Variants in SLC2A1 observed in about 807,000 individuals in gnomAD.
SLC2A1 encodes solute carrier family 2 member 1, also known as solute carrier family 2, facilitated glucose transporter member 1.
A neutral mutation model predicts 46.6 loss-of-function variants in SLC2A1; 4 were observed. The observed-to-expected ratio is 0.09, with a 90% confidence interval of 0.04 to 0.20. The LOEUF is 0.20. Among genes scored for constraint, SLC2A1 ranks in the 10% least tolerant of loss-of-function variants. The pLI is 1.00. For synonymous variants in SLC2A1, 253 were observed against 270.0 expected, an observed-to-expected ratio of 0.94 and a Z score of 0.62; for missense variants, 352 against 667.0, an observed-to-expected ratio of 0.53 and a Z score of 5.20.
At chr1:42,937,062 A>G (rs1643548959) in intron 2 of SLC2A1, among the ~76,000 whole-genome samples, 2 of 152,190 alleles carry the variant, frequency 1.3e-5, no homozygotes, top group African/African-American at 4.8e-5. Context: ...CAACACCAGC[A>G]GAAACATCAC....
chr1:42,954,916 A>G lies in SLC2A1; in HGVS notation c.18+3718T>C, dbSNP rs1440609275. ...GAAGCCTAAGGCAAAAAAGCAAAGC[A>G]AAGAAGCCCAAAGCAGCGCAGGGCA... On this transcript the variant is annotated intron_variant, in intron 1 of 9. Coordinates refer to ENST00000426263, the MANE Select transcript of SLC2A1 (RefSeq NM_006516.4). This position sits in a 1 kb window ranked among gnomAD's most constrained non-coding sequence, Gnocchi z 4.2. Among the ~76,000 whole-genome samples, 1 of 152,266 alleles carries G rather than the reference A, an allele frequency of 6.6e-6. No individual in the cohort carries two copies. Among genetic ancestry groups the G allele is most frequent in the Non-Finnish European group, 1.5e-5 (1 of 68,044 alleles).
In SLC2A1 at chr1:42,958,552, G is replaced by C. The variant is rs1643806639; in HGVS notation, c.18+82C>G. The C allele has an allele frequency of 1.1e-5, 14 of 1,225,244 alleles. No individual in the cohort carries two copies. In the South Asian group the frequency reaches 1.9e-4, roughly 16 times the overall value. 75.9% of individuals were successfully genotyped at this position (1,225,244 alleles called of 1,614,324 possible). On this transcript the variant is annotated intron_variant, in intron 1 of 9. Coordinates refer to ENST00000426263, the MANE Select transcript of SLC2A1 (RefSeq NM_006516.4). ...CGGGCGCACAGCGCAGCGGGGCGGCGGGGGAGGCCCTGGCCGGCGTAAGGC... is the reference window on the plus strand; with the variant it reads ...CGGGCGCACAGCGCAGCGGGGCGGCCGGGGAGGCCCTGGCCGGCGTAAGGC...
At chr1:42,933,902 T>C (rs1036083156) in intron 2 of SLC2A1, among the ~76,000 whole-genome samples, 1 of 152,224 alleles carries the variant, frequency 6.6e-6, no homozygotes, top group Non-Finnish European at 1.5e-5. Flanking sequence ...TGTTTGTCCC[T>C]GTGCAGACTG....
chr1:42,945,168 T>C (rs1204639562), intron 1 of SLC2A1, among the ~76,000 whole-genome samples: 2 of 152,180 alleles, frequency 1.3e-5, no homozygotes, highest in Non-Finnish European at 2.9e-5. Context: ...CATTTGCTCA[T>C]GGGATGCAAA....
In SLC2A1 at chr1:42,926,509, G is replaced by A. The variant is rs1368079919; in HGVS notation, c.*532C>T. On this transcript the variant is annotated 3_prime_UTR_variant, in exon 10 of 10. Transcript: ENST00000426263. ...AAAGATTAATTTGAGTGGTTGGGTA[G>A]GAAGAGATGGGAAGGGGCAAATCCT... is the stretch of plus-strand genomic sequence containing the variant. 3 of 296,630 alleles carry A rather than the reference G, an allele frequency of 1.0e-5. No individual in the cohort carries two copies. The East Asian group carries it at 2.4e-4, about 24-fold the overall frequency. 18.4% of individuals were successfully genotyped at this position (296,630 alleles called of 1,614,324 possible).
chr1:42,952,681 C>G (rs562567513), intron 1 of SLC2A1: 1 of 212,966 alleles, frequency 4.7e-6, no homozygotes, highest in Non-Finnish European at 9.8e-6. Context: ...AGTTATCACA[C>G]GCAGCAGGGA....
rs370031715 is a variant in SLC2A1 at position 42,931,055 on chromosome 1, C to T, written c.266G>A (p.Arg89His). The T allele has an allele frequency of 9.3e-6, 15 of 1,614,002 alleles. No individual in the cohort carries two copies. Among genetic ancestry groups the T allele is most frequent in the South Asian group, 2.2e-5 (2 of 91,078 alleles). The change falls in exon 3 of 10, where the codon CGC becomes CAC. Residue 89 changes from arginine (R) to histidine (H), a missense_variant. Arg to His is a conservative substitution (Grantham distance 29). This residue lies in a region of SLC2A1 where 97 missense variants were observed against 175.6 expected (regional missense o/e 0.55). Transcript: ENST00000426263. ...GSFSVGLFVN[R>H]FGRRNSMLMM... ...GACCTCTCCTACTTACCGGCCAAAG[C>T]GGTTAACGAAAAGGCCCACAGAGAA... is the stretch of plus-strand genomic sequence containing the variant.
chr1:42,950,649 C>T (rs978653199), intron 1 of SLC2A1, among the ~76,000 whole-genome samples: 4 of 152,148 alleles, frequency 2.6e-5, no homozygotes, highest in Non-Finnish European at 4.4e-5. Context: ...ACATTTAAGT[C>T]CCAGCTCCTC....
At chr1:42,941,319 C>T (rs754338478) in intron 2 of SLC2A1, among the ~76,000 whole-genome samples, 8 of 152,156 alleles carry the variant, frequency 5.3e-5, no homozygotes, top group Middle Eastern at 3.2e-3. Flanking sequence ...CTCACAAGGC[C>T]CTTTGTGGTC....
At position 42,936,380 on chromosome 1, in the gene SLC2A1, C is replaced by T. The variant is rs537983511; in HGVS notation, c.115-5174G>A. 1.8e-3 allele frequency among the ~76,000 whole-genome samples: 279 copies of T among 152,310 alleles called. 1 individual carries two copies. The highest frequency in any genetic ancestry group is 6.5e-3 in the African/African-American group (271 of 41,574). On this transcript the variant is annotated intron_variant, in intron 2 of 9. Transcript: ENST00000426263. ...TCCAGTTGGGGCTGGCCCCACACTG[C>T]CCTTCCCACAAGCTCTCAGCCCAGG...
At position 42,930,965 on chromosome 1, in the gene SLC2A1, C is replaced by G. The variant is rs1205875939; in HGVS notation, c.275+81G>C. 25 of 1,607,524 alleles carry G rather than the reference C, an allele frequency of 1.6e-5. No individual in the cohort carries two copies. The highest frequency in any genetic ancestry group is 2.0e-5 in the Non-Finnish European group (23 of 1,177,376). ...CCTGGAACAGGCAGATAAGTCTCCC[C>G]TACCTCCCACCCCATCTGGGACTCC... On this transcript the variant is annotated intron_variant, in intron 3 of 9. Transcript: ENST00000426263. The surrounding 1 kb of genome is among the most constrained non-coding windows in gnomAD (Gnocchi z 6.2).
In SLC2A1 at chr1:42,929,465, C is replaced by T. The variant is rs1557645796; in HGVS notation, c.867+128G>A. On this transcript the variant is annotated intron_variant, in intron 6 of 9. Transcript: ENST00000426263. This position sits in a 1 kb window ranked among gnomAD's most constrained non-coding sequence, Gnocchi z 6.0. ...CACTGCACTGCAGTGACCTTACGGG[C>T]TTGGGGTCTAAAGGGAAACTTCTTC... 1 of 1,139,688 alleles carries T rather than the reference C, an allele frequency of 8.8e-7. No homozygotes were observed. Among genetic ancestry groups the T allele is most frequent in the African/African-American group, 1.5e-5 (1 of 65,598 alleles). The allele number at this position is 1,139,688 out of a possible 1,614,324, so 70.6% of individuals were successfully genotyped here. A position where few individuals can be genotyped will look rare whatever the true frequency, so the allele number is the denominator to read the frequency against.
Position 42,927,046 on chromosome 1 carries a change from C to T in SLC2A1, c.1474G>A (p.Val492Met), listed in dbSNP as rs754985269. The T allele has an allele frequency of 3.1e-6, 5 of 1,613,618 alleles. No homozygotes were observed. In the African/African-American group the frequency reaches 5.3e-5, roughly 17 times the overall value. The change falls in exon 10 of 10, where the codon GTG becomes ATG. Residue 492 changes from valine to methionine, a missense_variant. Physicochemically the swap from Val to Met is conservative, Grantham distance 21. Transcript: ENST00000426263. The surrounding 1 kb of genome is among the most constrained non-coding windows in gnomAD (Gnocchi z 5.3). ...LFHPLGADSQV is the reference protein window; with the variant it reads ...LFHPLGADSQM ...GGCTGGTGATCTGGGGCGACTCACA[C>T]TTGGGAATCAGCCCCCAGGGGATGG...
rs977758531 is a variant in SLC2A1, at chr1:42,927,179, G to A, written c.1341C>T (p.Phe447=). The change falls in exon 10 of 10, where the codon TTC becomes TTT. Residue 447 remains phenylalanine (F), a synonymous_variant. Coordinates refer to ENST00000426263, the MANE Select transcript of SLC2A1 (RefSeq NM_006516.4). The surrounding 1 kb of genome is among the most constrained non-coding windows in gnomAD (Gnocchi z 5.3). ...TAGTCTCAGGAACTTTGAAGTAGGTGAAGATGAAGAACAGAACCAGGAGCA... is the reference window on the plus strand; with the variant it reads ...TAGTCTCAGGAACTTTGAAGTAGGTAAAGATGAAGAACAGAACCAGGAGCA... The part of the protein sequence containing the change: ...FTVLLVLFFI[F]TYFKVPETKG... 33 of 1,614,072 alleles carry A rather than the reference G, an allele frequency of 2.0e-5. No homozygotes were observed. The highest frequency in any genetic ancestry group is 3.3e-5 in the Admixed American group (2 of 60,016).
At chr1:42,951,963 T>C (rs1044845255) in intron 1 of SLC2A1, 1 of 405,014 alleles carries the variant, frequency 2.5e-6, no homozygotes, top group Non-Finnish European at 4.3e-6. Context: ...CTGGAATTCA[T>C]CCTTAGACGC....
chr1:42,947,576 ACAC>A (rs1643670363), intron 1 of SLC2A1, among the ~76,000 whole-genome samples: 1 of 29,274 alleles, frequency 3.4e-5, no homozygotes, highest in Non-Finnish European at 6.1e-5. Flanking sequence ...ACACACACAC[ACAC>A]ACAAAAAAAA....
At position 42,948,032 on chromosome 1, in the gene SLC2A1, T is replaced by G. The variant is rs185061227; in HGVS notation, c.19-4711A>C. 1.8e-4 allele frequency among the ~76,000 whole-genome samples: 27 copies of G among 152,280 alleles called. 1 individual carries two copies. In the East Asian group the frequency reaches 4.8e-3, roughly 27 times the overall value. ...GACTGAGTTCAAATCCTGACTCTCC[T>G]AGGAGAGTCATGGCCTCCCAGCTTG... On this transcript the variant is annotated intron_variant, in intron 1 of 9. Coordinates refer to ENST00000426263, the MANE Select transcript of SLC2A1 (RefSeq NM_006516.4).
chr1:42,942,053 C>A (rs958567195), intron 2 of SLC2A1, among the ~76,000 whole-genome samples: 1 of 152,248 alleles, frequency 6.6e-6, no homozygotes, highest in African/African-American at 2.4e-5. Context: ...CCAAACAGGA[C>A]CCTGATCTTT....
chr1:42,948,063 C>T (rs1161742678), intron 1 of SLC2A1, among the ~76,000 whole-genome samples: 1 of 152,142 alleles, frequency 6.6e-6, no homozygotes, highest in Non-Finnish European at 1.5e-5. Context: ...GCTTGGCCAG[C>T]AACTGGGCTC....
Sources: allele counts gnomAD v4.1 joint callset (sites outside exome capture counted in the v4.1 genomes callset), GRCh38; gene constraint gnomAD v4.1.1; regional missense constraint gnomAD v4.1.1; non-coding constraint Gnocchi (gnomAD v3.1); transcripts MANE v1.5; gene names NCBI Gene and HGNC (gene_info 2026-07-23, HGNC 2026-07-21).